Variants in TCF4 observed in about 807,000 individuals in gnomAD.
The protein encoded by TCF4 is transcription factor 4, also known as SL3-3 enhancer factor 2.
A neutral mutation model predicts 82.1 loss-of-function variants in TCF4; 3 were observed. The ratio of observed to expected loss-of-function variants is 0.04; its 90% confidence interval spans 0.02 to 0.09. The LOEUF (loss-of-function observed/expected upper bound fraction) is 0.09, where lower values mean the gene tolerates loss of function less well. Ranked by LOEUF, TCF4 falls within the 10% of genes least tolerant of loss-of-function variation. The pLI, the probability that TCF4 is intolerant of heterozygous loss-of-function variation, is 1.00. For missense variants in TCF4, 518 were observed against 852.7 expected (o/e 0.61, Z 4.89); for synonymous variants, 276 against 309.6 (o/e 0.89, Z 1.14).
chr18:55,544,697 A>G (rs1181336289), intron 3 of TCF4, among the ~76,000 whole-genome samples: 1 of 152,194 alleles, frequency 6.6e-6, no homozygotes, highest in Non-Finnish European at 1.5e-5. Flanking sequence ...GTTTGTAAGC[A>G]AATTCCTAAA....
chr18:55,376,519 A>G (rs2090787760), intron 6 of TCF4, among the ~76,000 whole-genome samples: 1 of 151,818 alleles, frequency 6.6e-6, no homozygotes, highest in Non-Finnish European at 1.5e-5. Flanking sequence ...TCTTCTTTTC[A>G]TAACATGACT....
At chr18:55,535,935 G>A (rs2097110480) in intron 3 of TCF4, among the ~76,000 whole-genome samples, 1 of 152,132 alleles carries the variant, frequency 6.6e-6, no homozygotes, top group African/African-American at 2.4e-5. Context: ...GAACAAACCA[G>A]TAAATTCATA....
At chr18:55,431,523 G>A (rs900253418) in intron 5 of TCF4, among the ~76,000 whole-genome samples, 8 of 152,040 alleles carry the variant, frequency 5.3e-5, no homozygotes, top group East Asian at 1.9e-4. Flanking sequence ...CAGGTGATCC[G>A]CCCACCTCAG....
chr18:55,273,460 C>T (rs541088493), intron 10 of TCF4, among the ~76,000 whole-genome samples: 2 of 152,234 alleles, frequency 1.3e-5, no homozygotes, highest in South Asian at 2.1e-4. Context: ...TGAAAGGACA[C>T]CAACTGCTAC....
At chr18:55,627,362 A>G (rs1443886819) in intron 2 of TCF4, among the ~76,000 whole-genome samples, 3 of 152,174 alleles carry the variant, frequency 2.0e-5, no homozygotes, top group African/African-American at 7.2e-5. Context: ...AAACAGACCA[A>G]TATATACATA....
intron 6 of TCF4, among the ~76,000 whole-genome samples, chr18:55,361,612 T>A (rs1481413710): frequency 6.6e-6 from 1 of 152,206 alleles, no homozygotes; most frequent in African/African-American, 2.4e-5. Context: ...TTGAGACTCC[T>A]TCCCCAGCTA....
At chr18:55,368,243 T>C (rs768294969) in intron 6 of TCF4, among the ~76,000 whole-genome samples, 1 of 151,992 alleles carries the variant, frequency 6.6e-6, no homozygotes, top group Non-Finnish European at 1.5e-5. Context: ...AAAATTAGCA[T>C]GGTGGCACGT....
upstream of TCF4, chr18:55,588,319 G>T (rs1253182653): frequency 7.9e-5 from 116 of 1,471,606 alleles, no homozygotes; most frequent in Non-Finnish European, 1.0e-4. Flanking sequence ...GCAAAGAAAT[G>T]GGTGGGGGGG....
intron 5 of TCF4, among the ~76,000 whole-genome samples, chr18:55,408,446 T>C (rs914826034): frequency 2.6e-5 from 4 of 152,184 alleles, no homozygotes; most frequent in African/African-American, 9.7e-5. Context: ...AATCTATATA[T>C]ATGTAGAAAG....
rs111947783 is a variant in TCF4, at chr18:55,227,982, G to T, written c.*53C>A. 9,215 of 504,456 alleles carry T rather than the reference G, an allele frequency of 0.018. 147 individuals are homozygous for T. The highest frequency in any genetic ancestry group is 0.023 in the South Asian group (1,098 of 47,114). The allele number at this position is 504,456 out of a possible 1,614,324, so 31.2% of individuals were successfully genotyped here. ...TATGTGGGTTTAAGATAATACAGCT[G>T]TTAAGGAAGTGGTCTCTTGTTTTAA... On this transcript the variant is annotated 3_prime_UTR_variant, in exon 20 of 20. Transcript: ENST00000354452.
intron 6 of TCF4, among the ~76,000 whole-genome samples, chr18:55,351,521 C>A (rs1334022855): frequency 6.6e-6 from 1 of 151,964 alleles, no homozygotes; most frequent in Non-Finnish European, 1.5e-5. Flanking sequence ...AGAGAAAATG[C>A]CAACTGAACC....
chr18:55,298,018 T>C (rs1429793886), intron 8 of TCF4, among the ~76,000 whole-genome samples: 4 of 152,222 alleles, frequency 2.6e-5, no homozygotes, highest in Admixed American at 6.5e-5. Context: ...TTAATAGTAG[T>C]GGACAGTCTT....
At chr18:55,420,179 G>C (rs2094682066) in intron 5 of TCF4, among the ~76,000 whole-genome samples, 1 of 152,090 alleles carries the variant, frequency 6.6e-6, no homozygotes, top group African/African-American at 2.4e-5. Context: ...AAGCCTTACA[G>C]GTATAATAAA....
At chr18:55,439,271 G>C (rs1272737906) in intron 5 of TCF4, among the ~76,000 whole-genome samples, 2 of 152,154 alleles carry the variant, frequency 1.3e-5, no homozygotes, top group Non-Finnish European at 2.9e-5. Flanking sequence ...CTTGGGAAGA[G>C]AGGGATCCAC....
At chr18:55,251,813 T>C (rs2055214114) in intron 15 of TCF4, among the ~76,000 whole-genome samples, 2 of 152,196 alleles carry the variant, frequency 1.3e-5, no homozygotes, top group African/African-American at 2.4e-5. Context: ...ACGGCTACTT[T>C]ATTTACTGCA....
chr18:55,452,259 C>G (rs1004573584), intron 5 of TCF4, among the ~76,000 whole-genome samples: 1 of 152,158 alleles, frequency 6.6e-6, no homozygotes, highest in African/African-American at 2.4e-5. Flanking sequence ...GGCATGTTGT[C>G]TAAAACTAAA....
intron 3 of TCF4, among the ~76,000 whole-genome samples, chr18:55,467,381 G>A (rs1426975559): frequency 2.0e-5 from 3 of 152,072 alleles, no homozygotes; most frequent in Non-Finnish European, 4.4e-5. Context: ...TGAATCACCT[G>A]TATGCCCATT....
At chr18:55,414,599 T>A (rs2094463332) in intron 5 of TCF4, among the ~76,000 whole-genome samples, 2 of 152,144 alleles carry the variant, frequency 1.3e-5, no homozygotes, top group African/African-American at 2.4e-5. Context: ...CAACAAAAAT[T>A]GTTGCTATTT....
rs144176424 is a variant in TCF4, at chr18:55,353,851, A to T, written c.370-2848T>A. ...TGCATATATAGATATAGCTCTGAAG[A>T]CAAGTTTCTGCTTAATAAAAGTTAA... On this transcript the variant is annotated intron_variant, in intron 6 of 19. Transcript: ENST00000354452. 9.2e-5 allele frequency among the ~76,000 whole-genome samples: 14 copies of T among 152,340 alleles called. No homozygotes were observed. The East Asian group carries it at 2.3e-3, about 25-fold the overall frequency.
Sources: gnomAD v4.1 joint callset for allele counts (sites outside exome capture counted in the v4.1 genomes callset) on GRCh38, gnomAD v4.1.1 for gene constraint, MANE v1.5 for transcripts, NCBI Gene and HGNC (gene_info 2026-07-23, HGNC 2026-07-21) for gene names.